The following YES1 variants were observed in gnomAD, a reference collection of about 807,000 sequenced individuals.
YES1 encodes YES proto-oncogene 1, Src family tyrosine kinase.
In YES1, 39 loss-of-function variants were observed where a neutral mutation model predicts 70.4. The observed-to-expected ratio is 0.55, with a 90% CI of 0.43 to 0.72. YES1 has a LOEUF of 0.72. Among genes scored for constraint, YES1 ranks in the 30% least tolerant of loss-of-function variants. YES1 has a pLI of 0.00. For synonymous variants in YES1, 198 were observed against 218.6 expected (o/e 0.91, Z 0.83); for missense variants, 495 against 644.8 (o/e 0.77, Z 2.52).
At position 798,430 on chromosome 18, in the gene YES1, T is replaced by C. The variant is rs539459135; in HGVS notation, c.-9+13684A>G. On this transcript the variant is annotated intron_variant, in intron 1 of 11. Transcript: ENST00000314574. ...TTTCTACTTGACATTTGTTATGAGT[T>C]TCTCCTTCTGACTTACAGTGCATGC... 7.9e-4 allele frequency among the ~76,000 whole-genome samples: 120 copies of C among 152,316 alleles called. 1 individual carries two copies. The highest frequency in any genetic ancestry group is 2.8e-3 in the African/African-American group (118 of 41,556).
chr18:786,847 G>A (rs1905973397), intron 1 of YES1, among the ~76,000 whole-genome samples: 1 of 151,616 alleles, frequency 6.6e-6, no homozygotes, highest in South Asian at 2.1e-4. Flanking sequence ...ATATATATAC[G>A]GCATCTTTGA....
intron 1 of YES1, among the ~76,000 whole-genome samples, chr18:788,890 C>T (rs892233755): frequency 2.0e-5 from 3 of 152,174 alleles, no homozygotes; most frequent in African/African-American, 7.2e-5. Flanking sequence ...CTCTCCACTG[C>T]ACTCCAGCCT....
At chr18:780,643 G>A (rs1226362693) in intron 1 of YES1, among the ~76,000 whole-genome samples, 2 of 152,110 alleles carry the variant, frequency 1.3e-5, no homozygotes, top group Non-Finnish European at 2.9e-5. Context: ...ATACCTTCCT[G>A]TGCCCTATAT....
chr18:757,321 G>A (rs999018616), intron 1 of YES1, among the ~76,000 whole-genome samples: 2 of 151,654 alleles, frequency 1.3e-5, no homozygotes, highest in Admixed American at 6.6e-5. Flanking sequence ...GGCTAACACG[G>A]TGAAACCCCG....
chr18:768,097 T>C (rs924780409), intron 1 of YES1, among the ~76,000 whole-genome samples: 2 of 152,220 alleles, frequency 1.3e-5, no homozygotes, highest in Non-Finnish European at 2.9e-5. Context: ...ATATGGTGTC[T>C]GTAACAACTA....
intron 1 of YES1, among the ~76,000 whole-genome samples, chr18:807,352 A>T (rs1907151471): frequency 6.8e-6 from 1 of 147,522 alleles, no homozygotes; most frequent in African/African-American, 2.5e-5. Context: ...AAAAAAAATT[A>T]GCCAGGCATG....
chr18:784,651 C>T (rs760764868), intron 1 of YES1, among the ~76,000 whole-genome samples: 3 of 152,182 alleles, frequency 2.0e-5, no homozygotes, highest in Non-Finnish European at 4.4e-5. Flanking sequence ...TGGGGGCTGC[C>T]CACATTCCTT....
chr18:741,283 C>G (rs570762441), intron 8 of YES1, among the ~76,000 whole-genome samples: 1 of 151,364 alleles, frequency 6.6e-6, no homozygotes, highest in East Asian at 2.0e-4. Flanking sequence ...CATTTTTTCA[C>G]CCCAGATGGG....
chr18:737,099 T>C, intron 9 of YES1, 138 bp from the exon 10 acceptor site: 3 of 710,288 alleles, frequency 4.2e-6, no homozygotes, highest in African/African-American at 1.8e-5. Flanking sequence ...GGGTATAGTC[T>C]AGAAGATAAC....
At chr18:805,648 T>C (rs1390161052) in intron 1 of YES1, among the ~76,000 whole-genome samples, 5 of 152,222 alleles carry the variant, frequency 3.3e-5, no homozygotes. Flanking sequence ...GTGCTCTACC[T>C]TCCAGTCCTT....
chr18:725,749 G>GA, intron 11 of YES1, among the ~76,000 whole-genome samples: 1 of 152,318 alleles, frequency 6.6e-6, no homozygotes, highest in South Asian at 2.1e-4. Context: ...AGCCAGGCAT[G>GA]ATGGCAGGTG....
Position 745,764 on chromosome 18 carries a change from T to C in YES1, c.668A>G (p.Tyr223Cys), listed in dbSNP as rs766385590. ...KIRKLDNGGY[Y>C]ITTRAQFDTL... The stretch of plus-strand genomic sequence containing the variant: ...ATCAAATTGTGCTCTGGTTGTGATA[T>C]AGTATCCACCATTGTCAAGTTTCCT... Residue 223 changes from tyrosine (Y) to cysteine (C), a missense_variant, in exon 6 of 12, where the codon TAT becomes TGT. This residue lies in a region of YES1 where 385 missense variants were observed against 540.9 expected (regional missense o/e 0.71). Coordinates refer to ENST00000314574, the MANE Select transcript of YES1 (RefSeq NM_005433.4). The C allele has an allele frequency of 3.1e-6, 5 of 1,613,268 alleles. No homozygotes were observed. Among genetic ancestry groups the C allele is most frequent in the South Asian group, 1.1e-5 (1 of 91,050 alleles).
intron 7 of YES1, 63 bp from the exon 8 acceptor site, chr18:743,160 A>T: frequency 6.5e-7 from 1 of 1,549,930 alleles, no homozygotes; most frequent in Non-Finnish European, 8.7e-7. Context: ...ACTTCAGTGA[A>T]CAGCACTTCT....
chr18:729,522 T>C (rs2080062172), intron 11 of YES1, among the ~76,000 whole-genome samples: 1 of 152,032 alleles, frequency 6.6e-6, no homozygotes, highest in Non-Finnish European at 1.5e-5. Context: ...TTGCAAAACT[T>C]TTCTTCTATT....
At chr18:804,948 G>C (rs1003406039) in intron 1 of YES1, among the ~76,000 whole-genome samples, 5 of 136,000 alleles carry the variant, frequency 3.7e-5, no homozygotes, top group Non-Finnish European at 7.8e-5. Context: ...ACCTAGCATA[G>C]TAGTATAAAT....
chr18:755,759 C>A (rs573693339), intron 2 of YES1, among the ~76,000 whole-genome samples: 21 of 152,258 alleles, frequency 1.4e-4, no homozygotes, highest in African/African-American at 4.8e-4. Context: ...AAATCTGAGT[C>A]CTTGATGACA....
intron 1 of YES1, among the ~76,000 whole-genome samples, chr18:758,575 C>T (rs923369306): frequency 5.3e-5 from 8 of 152,198 alleles, no homozygotes; most frequent in African/African-American, 1.9e-4. Flanking sequence ...CACCTCTCTA[C>T]CTGCTAAAAT....
chr18:763,377 C>T (rs995812544), intron 1 of YES1, among the ~76,000 whole-genome samples: 2 of 152,080 alleles, frequency 1.3e-5, no homozygotes, highest in Non-Finnish European at 1.5e-5. Context: ...AGTTATAAAA[C>T]TATTCCAACT....
At chr18:802,405 A>G (rs769829943) in intron 1 of YES1, among the ~76,000 whole-genome samples, 9 of 152,072 alleles carry the variant, frequency 5.9e-5, no homozygotes, top group African/African-American at 1.7e-4. Flanking sequence ...TTAGCCAGGC[A>G]AGGTGGTGCA....
Sources: allele counts gnomAD v4.1 joint callset (sites outside exome capture counted in the v4.1 genomes callset), GRCh38; gene constraint gnomAD v4.1.1; regional missense constraint gnomAD v4.1.1; transcripts MANE v1.5; gene names NCBI Gene and HGNC (gene_info 2026-07-23, HGNC 2026-07-21).